The following CDH8 variants were observed in gnomAD, a reference collection of about 807,000 sequenced individuals.
The protein encoded by CDH8 is cadherin-8.
A neutral mutation model predicts 68.1 loss-of-function variants in CDH8; 17 were observed. That is an observed-to-expected ratio of 0.25 (90% CI 0.17 to 0.37). The LOEUF is 0.37. Ranked by LOEUF, CDH8 falls within the 10% of genes least tolerant of loss-of-function variation. CDH8 has a pLI of 1.00. For synonymous variants in CDH8, 372 were observed against 365.1 expected (o/e 1.02, Z -0.21); for missense variants, 763 against 999.3 (o/e 0.76, Z 3.19).
chr16:61,943,220 C>G (rs192427918), intron 2 of CDH8, among the ~76,000 whole-genome samples: 12 of 152,312 alleles, frequency 7.9e-5, no homozygotes, highest in Admixed American at 7.9e-4. Flanking sequence ...AGAATATAAA[C>G]TTCATGAAAG....
Position 61,652,090 on chromosome 16 carries a change from A to G in CDH8, c.*1518T>C, listed in dbSNP as rs1219598516. 1 of 914,724 alleles carries G rather than the reference A, an allele frequency of 1.1e-6. No individual in the cohort carries two copies. The highest frequency in any genetic ancestry group is 1.3e-6 in the Non-Finnish European group (1 of 765,734). 56.7% of individuals were successfully genotyped at this position (914,724 alleles called of 1,614,324 possible). A position where few individuals can be genotyped will look rare whatever the true frequency, so the allele number is the denominator to read the frequency against. ...ATACAATACATGGAGTGAATAAACAATATTGCATTAAAGCAAAGTAGAAAA... is the reference window on the plus strand; with the variant it reads ...ATACAATACATGGAGTGAATAAACAGTATTGCATTAAAGCAAAGTAGAAAA... On this transcript the variant is annotated 3_prime_UTR_variant, in exon 12 of 12. Coordinates refer to ENST00000577390, the MANE Select transcript of CDH8 (RefSeq NM_001796.5).
intron 4 of CDH8, among the ~76,000 whole-genome samples, chr16:61,836,382 C>T (rs973593055): frequency 6.6e-6 from 1 of 151,848 alleles, no homozygotes; most frequent in Admixed American, 6.6e-5. Flanking sequence ...CAGCACTTAC[C>T]CCAAAATATT....
At chr16:62,032,263 A>G (rs1427968990) in intron 1 of CDH8, among the ~76,000 whole-genome samples, 1 of 152,190 alleles carries the variant, frequency 6.6e-6, no homozygotes, top group African/African-American at 2.4e-5. Context: ...CATGATAAAA[A>G]TCTCAGACTT....
At chr16:61,971,236 C>T (rs1965335752) in intron 2 of CDH8, among the ~76,000 whole-genome samples, 2 of 152,138 alleles carry the variant, frequency 1.3e-5, no homozygotes, top group Admixed American at 6.5e-5. Flanking sequence ...ATTGCTCACA[C>T]AAAGCCTGTT....
chr16:61,898,301 A>G (rs1212783353), intron 3 of CDH8, among the ~76,000 whole-genome samples: 1 of 151,082 alleles, frequency 6.6e-6, no homozygotes, highest in Non-Finnish European at 1.5e-5. Context: ...CTCTGTCTCA[A>G]AAAAAAAAGA....
chr16:61,864,988 A>G (rs1963226170), intron 3 of CDH8, among the ~76,000 whole-genome samples: 1 of 152,158 alleles, frequency 6.6e-6, no homozygotes, highest in East Asian at 1.9e-4. Context: ...TATGACACAT[A>G]CCACACAATG....
chr16:61,846,824 A>C (rs1414675553), intron 4 of CDH8, among the ~76,000 whole-genome samples: 1 of 152,106 alleles, frequency 6.6e-6, no homozygotes, highest in Non-Finnish European at 1.5e-5. Context: ...CAAGAGTTAC[A>C]TTCCACTGTA....
intron 1 of CDH8, among the ~76,000 whole-genome samples, chr16:62,032,630 G>T (rs1902354444): frequency 6.6e-6 from 1 of 152,266 alleles, no homozygotes; most frequent in East Asian, 1.9e-4. Context: ...GAAGTCTTCG[G>T]ACCTTAAATT....
At chr16:61,940,672 A>C (rs1331470759) in intron 2 of CDH8, 2 of 152,372 alleles carry the variant, frequency 1.3e-5, no homozygotes, top group African/African-American at 4.8e-5. Context: ...AAGTTCTGGG[A>C]TTACAGGCGT....
intron 3 of CDH8, among the ~76,000 whole-genome samples, chr16:61,891,502 T>A (rs994185472): frequency 6.6e-6 from 1 of 152,138 alleles, no homozygotes; most frequent in Non-Finnish European, 1.5e-5. Flanking sequence ...CATAGACCAT[T>A]TAGGGAGACC....
intron 6 of CDH8, among the ~76,000 whole-genome samples, 176 bp downstream of exon 6, chr16:61,820,750 G>C (rs1341147520): frequency 6.6e-6 from 1 of 151,798 alleles, no homozygotes; most frequent in Admixed American, 6.6e-5. Flanking sequence ...AATGTGAAGG[G>C]GGCCCAAGAG....
At chr16:61,760,920 A>G (rs1324531354) in intron 8 of CDH8, among the ~76,000 whole-genome samples, 1 of 152,170 alleles carries the variant, frequency 6.6e-6, no homozygotes, top group Non-Finnish European at 1.5e-5. Flanking sequence ...AGATGCAAAA[A>G]CAGAGGGAAG....
intron 10 of CDH8, among the ~76,000 whole-genome samples, chr16:61,702,328 C>A (rs937882404): frequency 1.3e-5 from 2 of 151,444 alleles, no homozygotes; most frequent in Admixed American, 6.6e-5. Flanking sequence ...GCGGAGATTG[C>A]GCCACTGCAC....
At chr16:61,965,571 A>T (rs1965233668) in intron 2 of CDH8, among the ~76,000 whole-genome samples, 1 of 152,218 alleles carries the variant, frequency 6.6e-6, no homozygotes, top group South Asian at 2.1e-4. Flanking sequence ...AGTAAAATTT[A>T]AAATAAGCTC....
chr16:61,878,435 G>C (rs373890119), intron 3 of CDH8, among the ~76,000 whole-genome samples: 9 of 152,126 alleles, frequency 5.9e-5, no homozygotes, highest in Admixed American at 5.9e-4. Flanking sequence ...TATGAGAAGG[G>C]TTATGGTAAG....
chr16:61,676,214 T>G (rs1320854745), intron 10 of CDH8, among the ~76,000 whole-genome samples: 1 of 144,478 alleles, frequency 6.9e-6, no homozygotes, highest in Non-Finnish European at 1.5e-5. Context: ...CAAGTAAAAT[T>G]GCAAAAAAGA....
intron 10 of CDH8, among the ~76,000 whole-genome samples, chr16:61,664,092 G>A (rs918236922): frequency 1.3e-5 from 2 of 151,806 alleles, no homozygotes; most frequent in Admixed American, 6.6e-5. Flanking sequence ...TCCCTCCTCA[G>A]GGCTTTCATA....
chr16:61,675,808 G>A (rs532513372), intron 10 of CDH8, among the ~76,000 whole-genome samples: 14 of 151,254 alleles, frequency 9.3e-5, no homozygotes, highest in Non-Finnish European at 2.1e-4. Flanking sequence ...ACATTGCTGT[G>A]TGAAGTAGTA....
chr16:61,940,440 T>C (rs1597078927), intron 2 of CDH8: 1 of 145,572 alleles, frequency 6.9e-6, no homozygotes. Context: ...CGCTCTGTCG[T>C]CCAGGCTGGA....
Sources: gnomAD v4.1 joint callset for allele counts (sites outside exome capture counted in the v4.1 genomes callset) on GRCh38, gnomAD v4.1.1 for gene constraint, MANE v1.5 for transcripts, NCBI Gene and HGNC (gene_info 2026-07-23, HGNC 2026-07-21) for gene names.